The following LRP1B variants were observed in gnomAD, a reference collection of about 807,000 sequenced individuals.
LRP1B encodes the protein low-density lipoprotein receptor-related protein 1B.
LRP1B carries 217 observed loss-of-function variants against 556.6 expected under a neutral mutation model. The observed-to-expected ratio is 0.39, with a 90% CI of 0.35 to 0.44. The LOEUF (loss-of-function observed/expected upper bound fraction) is 0.44. LRP1B is among the 20% of genes least tolerant of loss of function. The pLI, the probability that LRP1B is intolerant of heterozygous loss-of-function variation, is 1.00. For synonymous variants in LRP1B, 2,047 were observed against 1,865.8 expected, an observed-to-expected ratio of 1.10 and a Z score of -2.50; for missense variants, 5,053 against 5,620.8, an observed-to-expected ratio of 0.90 and a Z score of 3.23.
At chr2:141,388,448 A>C (rs1258005789) in intron 3 of LRP1B, among the ~76,000 whole-genome samples, 1 of 152,130 alleles carries the variant, frequency 6.6e-6, no homozygotes, top group East Asian at 1.9e-4. Flanking sequence ...AAAATAAATA[A>C]ATTAATTAAA....
At chr2:140,579,055 A>T (rs1681652893) in intron 43 of LRP1B, among the ~76,000 whole-genome samples, 2 of 152,120 alleles carry the variant, frequency 1.3e-5, no homozygotes, top group Non-Finnish European at 2.9e-5. Context: ...GAACAAGGAG[A>T]CAAAGAAAGA....
chr2:140,580,342 A>G (rs1681711439), intron 43 of LRP1B, among the ~76,000 whole-genome samples: 1 of 152,202 alleles, frequency 6.6e-6, no homozygotes, highest in Non-Finnish European at 1.5e-5. Context: ...CCCCAGGTAG[A>G]TACAAAGAAC....
Position 140,263,842 on chromosome 2 carries a change from A to G in LRP1B, c.13247+6400T>C, listed in dbSNP as rs144196606. On this transcript the variant is annotated intron_variant, in intron 86 of 90. Transcript: ENST00000389484. The stretch of plus-strand genomic sequence containing the variant: ...TTCACGTGTCCCTCAACATTCTGCC[A>G]TCTTCTACCCATTACCCAACTCCAA... 4.5e-3 allele frequency among the ~76,000 whole-genome samples: 657 copies of G among 146,058 alleles called. 4 individuals carry two copies. The highest frequency in any genetic ancestry group is 0.016 in the African/African-American group (622 of 39,386).
chr2:142,020,695 G>C (rs912173451), intron 1 of LRP1B, among the ~76,000 whole-genome samples: 1 of 151,654 alleles, frequency 6.6e-6, no homozygotes, highest in Non-Finnish European at 1.5e-5. Flanking sequence ...GTATGAAATA[G>C]AGTAACTAAA....
chr2:141,741,516 T>C (rs1335263265), intron 2 of LRP1B, among the ~76,000 whole-genome samples: 1 of 152,128 alleles, frequency 6.6e-6, no homozygotes, highest in Non-Finnish European at 1.5e-5. Context: ...TATCTTATTG[T>C]AGTTTTGATT....
intron 1 of LRP1B, among the ~76,000 whole-genome samples, chr2:142,129,298 G>C (rs760996004): frequency 6.6e-6 from 1 of 152,170 alleles, no homozygotes; most frequent in Non-Finnish European, 1.5e-5. Flanking sequence ...GCAATGATAT[G>C]CTTAAAAGAT....
chr2:142,019,796 T>A (rs1703276532), intron 1 of LRP1B, among the ~76,000 whole-genome samples: 1 of 152,154 alleles, frequency 6.6e-6, no homozygotes, highest in Non-Finnish European at 1.5e-5. Context: ...CACATTCCCA[T>A]CTCAGGACCT....
At chr2:140,825,543 CA>C (rs1414170234) in intron 31 of LRP1B, among the ~76,000 whole-genome samples, 1 of 152,052 alleles carries the variant, frequency 6.6e-6, no homozygotes, top group African/African-American at 2.4e-5. Context: ...GTAAACATTG[CA>C]AAGCCAGTAT....
chr2:141,328,482 A>T lies in LRP1B; in HGVS notation c.344-73841T>A, dbSNP rs1013050902. Among the ~76,000 whole-genome samples, 5 of 152,132 alleles carry T rather than the reference A, an allele frequency of 3.3e-5. No individual in the cohort carries two copies. The South Asian group carries it at 1.0e-3, about 31-fold the overall frequency. The stretch of plus-strand genomic sequence containing the variant: ...AATCCTTCCACAGGATCATATGTGT[A>T]AATTAGTGGTTTTAGGTTCCTATAG... On this transcript the variant is annotated intron_variant, in intron 3 of 90. Coordinates refer to ENST00000389484, the MANE Select transcript of LRP1B (RefSeq NM_018557.3).
chr2:140,484,201 A>G (rs1196616820), intron 59 of LRP1B, among the ~76,000 whole-genome samples: 2 of 152,346 alleles, frequency 1.3e-5, no homozygotes, highest in Non-Finnish European at 2.9e-5. Flanking sequence ...AAATGAGCAC[A>G]TTACCTTGAA....
At chr2:141,160,787 A>T (rs1225883470) in intron 7 of LRP1B, among the ~76,000 whole-genome samples, 1 of 152,032 alleles carries the variant, frequency 6.6e-6, no homozygotes, top group African/African-American at 2.4e-5. Context: ...GAAATATGAG[A>T]ATTTTTTTGT....
intron 29 of LRP1B, among the ~76,000 whole-genome samples, chr2:140,847,561 G>A (rs1228895963): frequency 1.3e-5 from 2 of 152,086 alleles, no homozygotes; most frequent in Non-Finnish European, 2.9e-5. Context: ...GTGGTCAGGA[G>A]TTTGAGACCA....
chr2:141,145,934 T>C (rs1701774574), intron 7 of LRP1B, among the ~76,000 whole-genome samples: 1 of 140,776 alleles, frequency 7.1e-6, no homozygotes, highest in African/African-American at 2.6e-5. Context: ...TTTTTTTTTT[T>C]TTTTTTTTGA....
chr2:140,762,291 G>A (rs1688953275), intron 35 of LRP1B, among the ~76,000 whole-genome samples: 1 of 152,028 alleles, frequency 6.6e-6, no homozygotes, highest in East Asian at 1.9e-4. Context: ...ATTTAATTAG[G>A]GCATCTCAAA....
At chr2:140,793,118 C>T (rs531586656) in intron 32 of LRP1B, among the ~76,000 whole-genome samples, 1 of 151,848 alleles carries the variant, frequency 6.6e-6, no homozygotes, top group Admixed American at 6.6e-5. Flanking sequence ...TTTTAAATGA[C>T]ATAAATTTTA....
At chr2:140,247,556 T>C (rs990017171) in intron 86 of LRP1B, among the ~76,000 whole-genome samples, 13 of 151,738 alleles carry the variant, frequency 8.6e-5, no homozygotes, top group African/African-American at 3.1e-4. Flanking sequence ...TGTCTTTTTC[T>C]GGTTGTTCTA....
chr2:141,945,696 C>A (rs924100423), intron 1 of LRP1B, among the ~76,000 whole-genome samples: 7 of 151,902 alleles, frequency 4.6e-5, no homozygotes, highest in African/African-American at 1.7e-4. Context: ...ATCTTAAATG[C>A]AATTATTAGA....
chr2:141,709,613 G>A (rs909112634), intron 2 of LRP1B, among the ~76,000 whole-genome samples: 1 of 152,086 alleles, frequency 6.6e-6, no homozygotes, highest in Non-Finnish European at 1.5e-5. Flanking sequence ...AGACGTATGA[G>A]TAAGTTAGAA....
Position 141,432,722 on chromosome 2 carries a change from T to G in LRP1B, c.343+47674A>C, listed in dbSNP as rs184586530. Among the ~76,000 whole-genome samples, 735 of 152,156 alleles carry G rather than the reference T, an allele frequency of 4.8e-3. 3 individuals are homozygous for G. The highest frequency in any genetic ancestry group is 7.3e-3 in the Admixed American group (112 of 15,280). On this transcript the variant is annotated intron_variant, in intron 3 of 90. Transcript: ENST00000389484. ...TTGTTCATGATGGTTCTTATAATTC[T>G]TTTTGTTTCTGTAAGATTGAGTAAT...
Sources: gnomAD v4.1 joint callset for allele counts (sites outside exome capture counted in the v4.1 genomes callset) on GRCh38, gnomAD v4.1.1 for gene constraint, MANE v1.5 for transcripts, NCBI Gene and HGNC (gene_info 2026-07-23, HGNC 2026-07-21) for gene names.